Variants in MYO3A observed in about 807,000 individuals in gnomAD.
MYO3A encodes myosin-IIIa.
MYO3A carries 180 observed loss-of-function variants against 192.7 expected under a neutral mutation model. The ratio of observed to expected loss-of-function variants is 0.93; its 90% CI spans 0.83 to 1.06. The LOEUF (loss-of-function observed/expected upper bound fraction) is 1.06, where lower values mean the gene tolerates loss of function less well. Among genes scored for constraint, MYO3A ranks in the 50% least tolerant of loss-of-function variants. The probability of loss-of-function intolerance (pLI) is 0.00; values close to 1 mark genes in which losing one functional copy is unlikely to be tolerated. For missense variants in MYO3A, 1,896 were observed against 1,905.0 expected (o/e 1.00, Z 0.09); for synonymous variants, 628 against 645.3 (o/e 0.97, Z 0.41).
At chr10:25,986,440 C>A (rs1275735514) in intron 4 of MYO3A, among the ~76,000 whole-genome samples, 8 of 152,110 alleles carry the variant, frequency 5.3e-5, no homozygotes, top group Non-Finnish European at 1.2e-4. Context: ...ATGATATGAT[C>A]TTATACTTAG....
chr10:26,029,539 A>G (rs923614664), intron 10 of MYO3A, among the ~76,000 whole-genome samples: 2 of 152,144 alleles, frequency 1.3e-5, no homozygotes, highest in Admixed American at 1.3e-4. Context: ...TAGATATCTT[A>G]TATACCAATA....
intron 2 of MYO3A, among the ~76,000 whole-genome samples, chr10:25,939,338 T>A (rs1050162889): frequency 6.6e-6 from 1 of 151,906 alleles, no homozygotes; most frequent in Non-Finnish European, 1.5e-5. Context: ...TCCCCTAATC[T>A]TTTTTTCCTG....
At chr10:26,113,864 C>A (rs1838340954) in intron 17 of MYO3A, among the ~76,000 whole-genome samples, 2 of 152,138 alleles carry the variant, frequency 1.3e-5, no homozygotes, top group South Asian at 4.1e-4. Context: ...TCTATGATTC[C>A]ATGACTAAAA....
chr10:26,022,964 T>G (rs1459732397), intron 8 of MYO3A: 1 of 152,216 alleles, frequency 6.6e-6, no homozygotes, highest in Non-Finnish European at 1.5e-5. Flanking sequence ...AAAGGGAATC[T>G]GAAAAGCTAC....
intron 9 of MYO3A, among the ~76,000 whole-genome samples, chr10:26,025,763 C>A (rs1842511399): frequency 6.6e-6 from 1 of 152,192 alleles, no homozygotes. Context: ...CTCACTAGTC[C>A]TATCCTTTCT....
chr10:25,951,575 G>T (rs959790484), intron 2 of MYO3A, among the ~76,000 whole-genome samples: 10 of 152,114 alleles, frequency 6.6e-5, no homozygotes, highest in African/African-American at 2.4e-4. Flanking sequence ...GGAACATTAA[G>T]CAAAGGCCAT....
intron 31 of MYO3A, among the ~76,000 whole-genome samples, chr10:26,191,606 A>G (rs972041702): frequency 1.3e-5 from 2 of 152,336 alleles, no homozygotes; most frequent in African/African-American, 4.8e-5. Context: ...AGTACTCCCA[A>G]TTAGCTGATC....
chr10:26,051,544 T>G (rs186377180), intron 10 of MYO3A, among the ~76,000 whole-genome samples: 1 of 142,390 alleles, frequency 7.0e-6, no homozygotes, highest in East Asian at 1.9e-4. Context: ...TTAATACATA[T>G]ATATATTATA....
chr10:25,975,435 G>GTTC (rs759748175), intron 4 of MYO3A, among the ~76,000 whole-genome samples: 1 of 152,206 alleles, frequency 6.6e-6, no homozygotes, highest in Non-Finnish European at 1.5e-5. Flanking sequence ...GAAAGAAAGC[G>GTTC]TAACGGCAGT....
intron 4 of MYO3A, among the ~76,000 whole-genome samples, chr10:25,977,278 A>T (rs749605121): frequency 1.4e-4 from 21 of 152,020 alleles, no homozygotes; most frequent in Non-Finnish European, 2.5e-4. Context: ...TTTTAATCAA[A>T]CTCTTGAAGT....
chr10:26,066,910 T>G, intron 10 of MYO3A, 65 bp from the exon 11 acceptor site: 1 of 1,074,832 alleles, frequency 9.3e-7, no homozygotes, highest in Non-Finnish European at 1.4e-6. Context: ...ATCATATGTA[T>G]CTAAAACTTT....
At position 26,068,761 on chromosome 10, in the gene MYO3A, A is replaced by T. The variant is rs1273121883; in HGVS notation, c.1054-7A>T. The T allele has an allele frequency of 6.6e-7, 1 of 1,503,852 alleles. No individual in the cohort carries two copies. Among genetic ancestry groups the T allele is most frequent in the Non-Finnish European group, 9.2e-7 (1 of 1,081,664 alleles). The allele number at this position is 1,503,852 out of a possible 1,614,324, so 93.2% of individuals were successfully genotyped here. A position where few individuals can be genotyped will look rare whatever the true frequency, so the allele number is the denominator to read the frequency against. ...TAAGAAGGAGAAATTATTTTATTTTATTGCAGAATACAGTCTCAGAGCAAC... is the reference window on the plus strand; with the variant it reads ...TAAGAAGGAGAAATTATTTTATTTTTTTGCAGAATACAGTCTCAGAGCAAC... On this transcript the variant is annotated splice_region_variant and splice_polypyrimidine_tract_variant and intron_variant, in intron 11 of 34. Coordinates refer to ENST00000642920, the MANE Select transcript of MYO3A (RefSeq NM_017433.5).
At chr10:26,114,397 T>C (rs1212882466) in intron 17 of MYO3A, among the ~76,000 whole-genome samples, 1 of 152,198 alleles carries the variant, frequency 6.6e-6, no homozygotes, top group Non-Finnish European at 1.5e-5. Flanking sequence ...GTTGCTTCCA[T>C]TCCCAAAACA....
intron 4 of MYO3A, among the ~76,000 whole-genome samples, chr10:25,960,120 C>G (rs1837832453): frequency 6.6e-6 from 1 of 151,944 alleles, no homozygotes; most frequent in South Asian, 2.1e-4. Context: ...AATTTTTTTG[C>G]TCAGTGTTCT....
intron 17 of MYO3A, among the ~76,000 whole-genome samples, chr10:26,110,042 G>A (rs1838063436): frequency 6.6e-6 from 1 of 152,152 alleles, no homozygotes; most frequent in South Asian, 2.1e-4. Flanking sequence ...TAGACTCAAT[G>A]GCAAGCCAAG....
chr10:26,062,493 G>A, intron 10 of MYO3A, among the ~76,000 whole-genome samples: 1 of 65,332 alleles, frequency 1.5e-5, no homozygotes, highest in African/African-American at 4.5e-5. Context: ...CTCTGGCCTG[G>A]CGACAGAGTG....
In MYO3A at chr10:26,125,557, G is replaced by GT. The variant is rs1204778315; in HGVS notation, c.2065dup (p.Trp689LeufsTer7). 6.2e-7 allele frequency: 1 copy of GT among 1,613,902 alleles called. No homozygotes were observed. The highest frequency in any genetic ancestry group is 1.3e-5 in the African/African-American group (1 of 74,930). ...AAAACTTTATATGGACGTCTCTTTAGTTGGATAGTCAATTGCATTAACAGT... is the reference window on the plus strand; with the variant it reads ...AAAACTTTATATGGACGTCTCTTTAGTTTGGATAGTCAATTGCATTAACAGT... On this transcript the variant is annotated frameshift_variant, in exon 19 of 35. Transcript: ENST00000642920. LOFTEE classifies it high-confidence loss of function.
intron 17 of MYO3A, among the ~76,000 whole-genome samples, chr10:26,100,328 C>G (rs1356819677): frequency 1.3e-5 from 2 of 152,072 alleles, no homozygotes; most frequent in African/African-American, 4.8e-5. Context: ...AGCGGTCTAT[C>G]AATTTTGTTA....
intron 20 of MYO3A, among the ~76,000 whole-genome samples, chr10:26,130,570 A>G (rs1368064252): frequency 2.0e-5 from 3 of 152,242 alleles, no homozygotes; most frequent in Non-Finnish European, 4.4e-5. Flanking sequence ...CCCCAACAAA[A>G]TAAAACATTC....
Sources: gnomAD v4.1 joint callset for allele counts (sites outside exome capture counted in the v4.1 genomes callset) on GRCh38, gnomAD v4.1.1 for gene constraint, MANE v1.5 for transcripts, NCBI Gene and HGNC (gene_info 2026-07-23, HGNC 2026-07-21) for gene names.